CFAP91: variants seen among roughly 807,000 people sequenced by gnomAD.
CFAP91 encodes cilia and flagella associated protein 91.
A neutral mutation model predicts 95.9 loss-of-function variants in CFAP91; 85 were observed. The observed-to-expected ratio is 0.89, with a 90% CI of 0.74 to 1.06. CFAP91 has a LOEUF of 1.06. Ranked by LOEUF, CFAP91 falls within the 50% of genes least tolerant of loss-of-function variation. The pLI is 0.00. For synonymous variants in CFAP91, 335 were observed against 327.5 expected (o/e 1.02, Z -0.25); for missense variants, 962 against 943.4 (o/e 1.02, Z -0.26).
At chr3:119,715,461 A>G in intron 5 of CFAP91, 101 bp from the exon 6 acceptor site, 2 of 963,512 alleles carry the variant, frequency 2.1e-6, no homozygotes, top group Admixed American at 3.5e-5. Flanking sequence ...TAAAAGAGGA[A>G]TGGACTTGAC....
intron 8 of CFAP91, among the ~76,000 whole-genome samples, chr3:119,731,700 C>T (rs1288605978): frequency 2.6e-5 from 4 of 152,132 alleles, no homozygotes; most frequent in African/African-American, 4.8e-5. Context: ...AATGCAGAGC[C>T]GCCAAAAGGT....
intron 17 of CFAP91, among the ~76,000 whole-genome samples, chr3:119,762,454 A>G (rs1458341291): frequency 1.3e-5 from 2 of 152,070 alleles, no homozygotes; most frequent in African/African-American, 4.8e-5. Context: ...CAAAATTCCA[A>G]TGACATTTTT....
In CFAP91 at chr3:119,709,992, A is replaced by G. The variant is rs1464417257; in HGVS notation, c.500+97A>G. 5 of 949,686 alleles carry G rather than the reference A, an allele frequency of 5.3e-6. No individual in the cohort carries two copies. The African/African-American group carries it at 6.6e-5, about 12-fold the overall frequency. The allele number at this position is 949,686 out of a possible 1,614,324, so 58.8% of individuals were successfully genotyped here. On this transcript the variant is annotated intron_variant, in intron 5 of 17. Coordinates refer to ENST00000273390, the MANE Select transcript of CFAP91 (RefSeq NM_033364.4). ...TAGTTCACTAAATCACTATTTTTCA[A>G]ATTGTGGATCACAAAACATTAGAAG...
intron 10 of CFAP91, among the ~76,000 whole-genome samples, chr3:119,736,452 A>G (rs1346396724): frequency 4.0e-5 from 6 of 148,572 alleles, no homozygotes; most frequent in Non-Finnish European, 8.9e-5. Context: ...TTTTTTTTGT[A>G]TTTTTAGTAG....
chr3:119,715,284 A>C, intron 5 of CFAP91: 1 of 531,448 alleles, frequency 1.9e-6, no homozygotes, highest in East Asian at 3.7e-5. Flanking sequence ...TCTGTTCTAC[A>C]ACCTTGCCCA....
intron 1 of CFAP91, among the ~76,000 whole-genome samples, chr3:119,705,811 T>A (rs1472806680): frequency 1.3e-5 from 2 of 152,220 alleles, no homozygotes; most frequent in Admixed American, 1.3e-4. Flanking sequence ...AGCCAGTCAA[T>A]AAACATGTGT....
rs77650681 is a variant in CFAP91 at position 119,706,805 on chromosome 3, G to T, written c.125-4G>T. On this transcript the variant is annotated splice_polypyrimidine_tract_variant and splice_region_variant and intron_variant, in intron 1 of 17. Coordinates refer to ENST00000273390, the MANE Select transcript of CFAP91 (RefSeq NM_033364.4). Reference sequence around the variant, plus strand: ...GTTATGCTACTTGATTGTTTATTTTGCAGATCCATTGTTTATTGTGTCAAG... The same window carrying T: ...GTTATGCTACTTGATTGTTTATTTTTCAGATCCATTGTTTATTGTGTCAAG... 2.0e-5 allele frequency: 33 copies of T among 1,610,162 alleles called. No homozygotes were observed. Among genetic ancestry groups the T allele is most frequent in the Non-Finnish European group, 2.8e-5 (33 of 1,176,774 alleles).
At chr3:119,703,347 AC>A in intron 1 of CFAP91, 125 bp downstream of exon 1, 1 of 1,453,636 alleles carries the variant, frequency 6.9e-7, no homozygotes, top group Non-Finnish European at 9.3e-7. Flanking sequence ...CCTCTTGCCC[AC>A]GGTTGTCCTT....
chr3:119,716,743 C>T (rs1181201838), intron 6 of CFAP91, among the ~76,000 whole-genome samples: 1 of 152,150 alleles, frequency 6.6e-6, no homozygotes, highest in Non-Finnish European at 1.5e-5. Context: ...CATGCCACCA[C>T]ACCTGGCTAA....
At chr3:119,736,840 T>G (rs1405094577) in intron 10 of CFAP91, among the ~76,000 whole-genome samples, 1 of 152,122 alleles carries the variant, frequency 6.6e-6, no homozygotes, top group Non-Finnish European at 1.5e-5. Flanking sequence ...GGTTAACTTT[T>G]TTTTTTGTTT....
intron 11 of CFAP91, 62 bp downstream of exon 11, chr3:119,737,544 G>A (rs2054034722): frequency 4.8e-6 from 5 of 1,051,318 alleles, no homozygotes; most frequent in Non-Finnish European, 7.2e-6. Flanking sequence ...TTATTCTTAG[G>A]ATAGTTTAGC....
intron 12 of CFAP91, 188 bp downstream of exon 12, chr3:119,739,514 G>C (rs954548418): frequency 7.2e-6 from 4 of 554,184 alleles, no homozygotes; most frequent in Admixed American, 6.4e-5. Context: ...TTGTCCAGGT[G>C]GGTGGCACAG....
intron 17 of CFAP91, among the ~76,000 whole-genome samples, chr3:119,753,858 T>C (rs2054373030): frequency 6.6e-6 from 1 of 152,226 alleles, no homozygotes; most frequent in Non-Finnish European, 1.5e-5. Flanking sequence ...ATCATTCTTA[T>C]GCCTTTGTGA....
intron 6 of CFAP91, among the ~76,000 whole-genome samples, chr3:119,721,663 C>G (rs1302151766): frequency 6.6e-6 from 1 of 152,168 alleles, no homozygotes; most frequent in Admixed American, 6.5e-5. Context: ...AAATAATTAT[C>G]TGCCCATTAT....
chr3:119,704,021 C>T (rs1476175645), intron 1 of CFAP91, among the ~76,000 whole-genome samples: 2 of 152,204 alleles, frequency 1.3e-5, no homozygotes, highest in Non-Finnish European at 2.9e-5. Flanking sequence ...GGTGTTGCCT[C>T]TGGGAATCCC....
At position 119,725,926 on chromosome 3, in the gene CFAP91, C is replaced by T. The variant is rs554462061; in HGVS notation, c.683-245C>T. On this transcript the variant is annotated intron_variant, in intron 6 of 17. Coordinates refer to ENST00000273390, the MANE Select transcript of CFAP91 (RefSeq NM_033364.4). ...TATTCAGTAGTCACTTAATATTCTTCAAATGCATTCCAGCATTCTACATGC... is the reference window on the plus strand; with the variant it reads ...TATTCAGTAGTCACTTAATATTCTTTAAATGCATTCCAGCATTCTACATGC... 4.6e-5 allele frequency among the ~76,000 whole-genome samples: 7 copies of T among 152,272 alleles called. No individual in the cohort carries two copies. In the East Asian group the frequency reaches 7.7e-4, roughly 17 times the overall value.
intron 16 of CFAP91, chr3:119,750,691 G>A (rs1399837419): frequency 4.0e-6 from 2 of 502,696 alleles, no homozygotes; most frequent in East Asian, 7.2e-5. Context: ...AGCTTTCCAG[G>A]TTTTAGAGTG....
rs1267007627 is a variant in CFAP91, at chr3:119,765,737, G to A, written c.*687G>A. 6.6e-6 allele frequency: 1 copy of A among 152,172 alleles called. No homozygotes were observed. Among genetic ancestry groups the A allele is most frequent in the Non-Finnish European group, 1.5e-5 (1 of 68,040 alleles). The allele number at this position is 152,172 out of a possible 1,614,324, so 9.4% of individuals were successfully genotyped here. On this transcript the variant is annotated 3_prime_UTR_variant, in exon 18 of 18. Transcript: ENST00000273390. ...TGTATTGACAAGCATCAGGATTCCA[G>A]GAGGATTCTTCCTGATTCAAAGACT...
At chr3:119,723,002 G>A (rs1047671841) in intron 6 of CFAP91, among the ~76,000 whole-genome samples, 1 of 152,202 alleles carries the variant, frequency 6.6e-6, no homozygotes, top group African/African-American at 2.4e-5. Flanking sequence ...CCTTCGAGTA[G>A]TTCTAATCCA....
Sources: gnomAD v4.1 joint callset for allele counts (sites outside exome capture counted in the v4.1 genomes callset) on GRCh38, gnomAD v4.1.1 for gene constraint, MANE v1.5 for transcripts, NCBI Gene and HGNC (gene_info 2026-07-23, HGNC 2026-07-21) for gene names.